The following ZNF175 variants were observed in gnomAD, a reference collection of about 807,000 sequenced individuals.
ZNF175 encodes zinc finger protein 175.
Under a neutral mutation model 14.0 loss-of-function variants are expected in ZNF175, and 8 were observed. The observed-to-expected ratio is 0.57, with a 90% CI of 0.34 to 1.03. The LOEUF (loss-of-function observed/expected upper bound fraction) is 1.03, where lower values mean the gene tolerates loss of function less well. ZNF175 is among the 50% of genes least tolerant of loss of function. ZNF175 has a pLI of 0.03. For missense variants in ZNF175, 764 were observed against 849.5 expected (o/e 0.90, Z 1.25); for synonymous variants, 255 against 296.8 (o/e 0.86, Z 1.45).
rs1385127645 is a variant in ZNF175, at chr19:51,581,006, TC to T, written c.73-383del. On this transcript the variant is annotated intron_variant, in intron 2 of 4. Transcript: ENST00000262259. Reference sequence around the variant, plus strand: ...GTTGAGCTTTTGTATTTACATGTCTTCCAAGTCTCTGAGTTGCTGCAAGAGT... The same window carrying T: ...GTTGAGCTTTTGTATTTACATGTCTTCAAGTCTCTGAGTTGCTGCAAGAGT... Among the ~76,000 whole-genome samples, 5 of 152,180 alleles carry T rather than the reference TC, an allele frequency of 3.3e-5. No individual in the cohort carries two copies. In the East Asian group the frequency reaches 7.7e-4, roughly 23 times the overall value.
intron 2 of ZNF175, among the ~76,000 whole-genome samples, chr19:51,577,279 A>G (rs534403615): frequency 1.3e-5 from 2 of 152,146 alleles, no homozygotes; most frequent in Non-Finnish European, 2.9e-5. Context: ...AACACCCCAT[A>G]TACTACTTCC....
chr19:51,573,407 CAG>C lies in ZNF175; in HGVS notation c.72+7_72+8del, dbSNP rs756724194. 1.1e-4 allele frequency: 183 copies of C among 1,612,664 alleles called. 3 individuals carry two copies. The South Asian group carries it at 1.3e-3, about 11-fold the overall frequency. Reference sequence around the variant, plus strand: ...AGCAGGATGGATCTTGCGAGGTAAACAGGGGCAGCCCTGGGGATAGTTCTCCA... The same window carrying C: ...AGCAGGATGGATCTTGCGAGGTAAACGGGCAGCCCTGGGGATAGTTCTCCA... On this transcript the variant is annotated splice_region_variant and intron_variant, in intron 2 of 4. Coordinates refer to ENST00000262259, the MANE Select transcript of ZNF175 (RefSeq NM_007147.4).
rs1209589205 is a variant in ZNF175, at chr19:51,589,936, A to C, written c.*1469A>C. On this transcript the variant is annotated 3_prime_UTR_variant, in exon 5 of 5. Coordinates refer to ENST00000262259, the MANE Select transcript of ZNF175 (RefSeq NM_007147.4). The stretch of plus-strand genomic sequence containing the variant: ...ATGTTCATCATCATATACCTGTGTA[A>C]GTACTCTTTCATTGATTTATAAAAC... The C allele has an allele frequency of 7.0e-6, 2 of 285,804 alleles. No homozygotes were observed. The highest frequency in any genetic ancestry group is 1.2e-4 in the East Asian group (2 of 16,070). The allele number at this position is 285,804 out of a possible 1,614,324, so 17.7% of individuals were successfully genotyped here. A position where few individuals can be genotyped will look rare whatever the true frequency, so the allele number is the denominator to read the frequency against.
At chr19:51,577,752 C>T (rs1309292761) in intron 2 of ZNF175, among the ~76,000 whole-genome samples, 10 of 151,160 alleles carry the variant, frequency 6.6e-5, no homozygotes, top group Non-Finnish European at 1.3e-4. Flanking sequence ...CAAGCTCCGC[C>T]TCCCGGGTTC....
intron 2 of ZNF175, chr19:51,573,873 G>C (rs939601122): frequency 5.3e-6 from 1 of 187,028 alleles, no homozygotes; most frequent in African/African-American, 2.3e-5. Flanking sequence ...GTGAGAAGAG[G>C]CTTTTAAGGA....
intron 2 of ZNF175, 112 bp from the exon 3 acceptor site, chr19:51,581,279 C>A: frequency 6.8e-7 from 1 of 1,472,568 alleles, no homozygotes; most frequent in South Asian, 1.2e-5. Flanking sequence ...TGGTGGGAAG[C>A]CTCTGTGATG....
intron 2 of ZNF175, among the ~76,000 whole-genome samples, chr19:51,576,715 A>G (rs1350802041): frequency 6.6e-6 from 1 of 152,126 alleles, no homozygotes; most frequent in Non-Finnish European, 1.5e-5. Context: ...CTGTCTTCTC[A>G]TGGTGCTGTG....
chr19:51,573,697 C>T, intron 2 of ZNF175: 1 of 449,244 alleles, frequency 2.2e-6, no homozygotes, highest in Non-Finnish European at 3.9e-6. Flanking sequence ...CTGCTAAGCA[C>T]TGGTTCTGCT....
At position 51,589,553 on chromosome 19, in the gene ZNF175, G is replaced by C. The variant is rs73050842; in HGVS notation, c.*1086G>C. On this transcript the variant is annotated 3_prime_UTR_variant, in exon 5 of 5. Coordinates refer to ENST00000262259, the MANE Select transcript of ZNF175 (RefSeq NM_007147.4). ...CAGATTTTCTCTTCTTTTAGGATTA[G>C]CTCAGCTTGCCCCCCCTTTCCATCT... 1 of 702,024 alleles carries C rather than the reference G, an allele frequency of 1.4e-6. No individual in the cohort carries two copies. Among genetic ancestry groups the C allele is most frequent in the Non-Finnish European group, 2.6e-6 (1 of 384,748 alleles). The allele number at this position is 702,024 out of a possible 1,614,324, so 43.5% of individuals were successfully genotyped here.
chr19:51,574,529 G>A (rs1357303822), intron 2 of ZNF175, among the ~76,000 whole-genome samples: 1 of 152,132 alleles, frequency 6.6e-6, no homozygotes, highest in Non-Finnish European at 1.5e-5. Flanking sequence ...TTAGCCAGGT[G>A]TGGTGGCATG....
Position 51,573,413 on chromosome 19 carries a change from CAG to C in ZNF175, c.72+13_72+14del. On this transcript the variant is annotated intron_variant, in intron 2 of 4. Coordinates refer to ENST00000262259, the MANE Select transcript of ZNF175 (RefSeq NM_007147.4). ...ATGGATCTTGCGAGGTAAACAGGGG[CAG>C]CCCTGGGGATAGTTCTCCAGAACGT... The C allele has an allele frequency of 2.0e-5, 32 of 1,612,642 alleles. No individual in the cohort carries two copies. The highest frequency in any genetic ancestry group is 2.7e-5 in the Non-Finnish European group (32 of 1,179,446).
chr19:51,581,732 G>C, intron 3 of ZNF175, 55 bp from the exon 4 acceptor site: 2 of 1,588,540 alleles, frequency 1.3e-6, no homozygotes, highest in African/African-American at 2.7e-5. Context: ...TTCATTGAAT[G>C]GCCTCTAAAA....
At chr19:51,576,233 C>G (rs1244337318) in intron 2 of ZNF175, among the ~76,000 whole-genome samples, 1 of 151,182 alleles carries the variant, frequency 6.6e-6, no homozygotes, top group Non-Finnish European at 1.5e-5. Flanking sequence ...TCACTGCAAC[C>G]TCTCCTCCTG....
In ZNF175 at chr19:51,588,541, A is replaced by G; in HGVS notation, c.*74A>G. The G allele has an allele frequency of 6.9e-7, 1 of 1,452,412 alleles. No homozygotes were observed. The highest frequency in any genetic ancestry group is 9.1e-7 in the Non-Finnish European group (1 of 1,096,486). The allele number at this position is 1,452,412 out of a possible 1,614,324, so 90.0% of individuals were successfully genotyped here. ...TTGAAGAAGAGAAAATCTTCTCAGA[A>G]TCAGGTCTAATTATATGTTATTGAA... is the stretch of plus-strand genomic sequence containing the variant. On this transcript the variant is annotated 3_prime_UTR_variant, in exon 5 of 5. Coordinates refer to ENST00000262259, the MANE Select transcript of ZNF175 (RefSeq NM_007147.4).
rs1323119051 is a variant in ZNF175, at chr19:51,587,702, C to G, written c.1371C>G (p.Ile457Met). 6.2e-7 allele frequency: 1 copy of G among 1,614,064 alleles called. No homozygotes were observed. Among genetic ancestry groups the G allele is most frequent in the East Asian group, 2.2e-5 (1 of 44,876 alleles). Residue 457 changes from isoleucine to methionine, a missense_variant, in exon 5 of 5, where the codon ATC becomes ATG. Coordinates refer to ENST00000262259, the MANE Select transcript of ZNF175 (RefSeq NM_007147.4). ...GTATCGAATGCGGGCAGGCCTTCAT[C>G]CAGAAGGCACACCTGATTGTCCATC... ...YVCIECGQAF[I>M]QKAHLIVHQR...
intron 4 of ZNF175, 39 bp downstream of exon 4, chr19:51,581,921 C>A: frequency 6.4e-7 from 1 of 1,571,180 alleles, no homozygotes; most frequent in Admixed American, 1.7e-5. Context: ...GATATCTTTG[C>A]AGGGAACCAT....
At position 51,588,721 on chromosome 19, in the gene ZNF175, C is replaced by T. The variant is rs533886683; in HGVS notation, c.*254C>T. The T allele has an allele frequency of 2.3e-5, 10 of 433,764 alleles. No homozygotes were observed. The South Asian group carries it at 3.2e-4, about 14-fold the overall frequency. The allele number at this position is 433,764 out of a possible 1,614,324, so 26.9% of individuals were successfully genotyped here. A position where few individuals can be genotyped will look rare whatever the true frequency, so the allele number is the denominator to read the frequency against. On this transcript the variant is annotated 3_prime_UTR_variant, in exon 5 of 5. Transcript: ENST00000262259. ...CATTAAGGATTATAAATTTTCTCCC[C>T]GGGAAGAAACCCTGACTAACGCATT...
At chr19:51,581,227 T>C in intron 2 of ZNF175, 164 bp from the exon 3 acceptor site, 1 of 993,222 alleles carries the variant, frequency 1.0e-6, no homozygotes, top group Non-Finnish European at 1.5e-6. Flanking sequence ...AGGATATTTC[T>C]CTTATTTTTT....
At chr19:51,582,657 C>T (rs1264025787) in intron 4 of ZNF175, among the ~76,000 whole-genome samples, 1 of 152,168 alleles carries the variant, frequency 6.6e-6, no homozygotes, top group Non-Finnish European at 1.5e-5. Flanking sequence ...CTCATCTTAT[C>T]TGTTATCTGA....
Sources: gnomAD v4.1 joint callset for allele counts (sites outside exome capture counted in the v4.1 genomes callset) on GRCh38, gnomAD v4.1.1 for gene constraint, MANE v1.5 for transcripts, NCBI Gene and HGNC (gene_info 2026-07-23, HGNC 2026-07-21) for gene names.